Variants in HDC observed in about 807,000 individuals in gnomAD.
HDC encodes the protein histidine decarboxylase.
HDC carries 27 observed loss-of-function variants against 64.4 expected under a neutral mutation model. That is an observed-to-expected ratio of 0.42 (90% CI 0.31 to 0.58). The LOEUF (loss-of-function observed/expected upper bound fraction) is 0.58. Ranked by LOEUF, HDC falls within the 20% of genes least tolerant of loss-of-function variation. The pLI is 0.16. For synonymous variants in HDC, 305 were observed against 314.2 expected, an observed-to-expected ratio of 0.97 and a Z score of 0.31; for missense variants, 711 against 833.9, an observed-to-expected ratio of 0.85 and a Z score of 1.81.
At chr15:50,244,285 CTTTTT>C (rs554623599) in intron 10 of HDC, among the ~76,000 whole-genome samples, 37 of 105,182 alleles carry the variant, frequency 3.5e-4, no homozygotes, top group African/African-American at 1.3e-3. Flanking sequence ...AGCTGAACCT[CTTTTT>C]TTTTTTTTTT....
rs1202346678 is a variant in HDC, at chr15:50,248,804, G to A, written c.1042-461C>T. On this transcript the variant is annotated intron_variant, in intron 9 of 11. Transcript: ENST00000267845. This position sits in a 1 kb window ranked among gnomAD's most constrained non-coding sequence, Gnocchi z 4.3. The stretch of plus-strand genomic sequence containing the variant: ...CTAGAGCCCTGCAGACCTAGGTTTC[G>A]CCTCCAGCTGTGCCACTTACTAGCT... Among the ~76,000 whole-genome samples the A allele has an allele frequency of 6.6e-6, 1 of 152,112 alleles. No homozygotes were observed. Among genetic ancestry groups the A allele is most frequent in the East Asian group, 1.9e-4 (1 of 5,204 alleles).
chr15:50,257,443 C>T lies in HDC; in HGVS notation c.423G>A (p.Gln141=), dbSNP rs2045646680. The change falls in exon 4 of 12, where the codon CAG becomes CAA. Residue 141 remains glutamine, a synonymous_variant. Coordinates refer to ENST00000267845, the MANE Select transcript of HDC (RefSeq NM_002112.4). The part of the protein sequence containing the change: ...EHFLHHHPSS[Q]GGGVLQSTVS... ...GAGGTACCTGCAGGACGCCTCCGCC[C>T]TGGCTGCTGGGGTGGTGGTGCAAGA... 1.2e-6 allele frequency: 2 copies of T among 1,614,130 alleles called. No homozygotes were observed.
rs1350902290 is a variant in HDC at position 50,254,192 on chromosome 15, G to A, written c.658C>T (p.Arg220Ter). 16 of 1,613,996 alleles carry A rather than the reference G, an allele frequency of 9.9e-6. No individual in the cohort carries two copies. Among genetic ancestry groups the A allele is most frequent in the Admixed American group, 5.0e-5 (3 of 59,992 alleles). ...FLPVDDNFSL[R>*]GEALQKAIEE... ...ATGGCCTTCTGAAGAGCTTCCCCTCGGAGTGAGAAGTTGTCATCCACAGGC... is the reference window on the plus strand; with the variant it reads ...ATGGCCTTCTGAAGAGCTTCCCCTCAGAGTGAGAAGTTGTCATCCACAGGC... The change falls in exon 6 of 12, where the codon CGA (arginine) becomes TGA (stop). Residue 220 changes from arginine (R) to a stop codon, truncating the protein, a stop_gained. Coordinates refer to ENST00000267845, the MANE Select transcript of HDC (RefSeq NM_002112.4). LOFTEE classifies it high-confidence loss of function.
In HDC at chr15:50,241,988, A is replaced by G; in HGVS notation, c.*272T>C. 1.8e-6 allele frequency: 1 copy of G among 554,248 alleles called. No individual in the cohort carries two copies. Among genetic ancestry groups the G allele is most frequent in the Non-Finnish European group, 3.2e-6 (1 of 310,410 alleles). The allele number at this position is 554,248 out of a possible 1,614,324, so 34.3% of individuals were successfully genotyped here. A position where few individuals can be genotyped will look rare whatever the true frequency, so the allele number is the denominator to read the frequency against. ...AGCATAATTTATTTCTGTGTTATATATCATGTCACAAGCTGAACCACAGAA... is the reference window on the plus strand; with the variant it reads ...AGCATAATTTATTTCTGTGTTATATGTCATGTCACAAGCTGAACCACAGAA... On this transcript the variant is annotated 3_prime_UTR_variant, in exon 12 of 12. Coordinates refer to ENST00000267845, the MANE Select transcript of HDC (RefSeq NM_002112.4).
In HDC at chr15:50,252,554, G is replaced by T. The variant is rs746370826; in HGVS notation, c.951-34C>A. 3.1e-6 allele frequency: 5 copies of T among 1,613,972 alleles called. No individual in the cohort carries two copies. In the East Asian group the frequency reaches 1.1e-4, roughly 36 times the overall value. On this transcript the variant is annotated intron_variant, in intron 8 of 11. Transcript: ENST00000267845. ...TTCCAAATGGGCATTAGTGGCTGAG[G>T]TCTCTCCAGAGGAGGCAAGGCGTTC... is the stretch of plus-strand genomic sequence containing the variant.
rs535558991 is a variant in HDC at position 50,242,594 on chromosome 15, C to T, written c.1655G>A (p.Cys552Tyr). ...LETLLDPVDDCFSEEAPDATK... is the reference protein window; with the variant it reads ...LETLLDPVDDYFSEEAPDATK... ...GGCATCTGGGGCCTCTTCTGAAAAG[C>T]AGTCATCAACTGGGTCCAGCAGGGT... Residue 552 changes from cysteine (C) to tyrosine (Y), a missense_variant, in exon 12 of 12, where the codon TGC (cysteine) becomes TAC (tyrosine). Coordinates refer to ENST00000267845, the MANE Select transcript of HDC (RefSeq NM_002112.4). The T allele has an allele frequency of 6.2e-7, 1 of 1,614,182 alleles. No homozygotes were observed. The highest frequency in any genetic ancestry group is 1.1e-5 in the South Asian group (1 of 91,080).
chr15:50,244,385 C>G (rs542432798), intron 10 of HDC, among the ~76,000 whole-genome samples: 29 of 149,804 alleles, frequency 1.9e-4, no homozygotes, highest in African/African-American at 4.7e-4. Context: ...TCACTGCAGC[C>G]TTGAACTCCT....
rs2045661389 is a variant in HDC, at chr15:50,258,485, G to A, written c.237C>T (p.Ala79=). The A allele has an allele frequency of 6.2e-7, 1 of 1,613,580 alleles. No individual in the cohort carries two copies. The highest frequency in any genetic ancestry group is 8.5e-7 in the Non-Finnish European group (1 of 1,179,570). The change falls in exon 3 of 12, where the codon GCC becomes GCT. Residue 79 remains alanine, a synonymous_variant. Transcript: ENST00000267845. ...GCCAAGAGGTGAGGGCTGGGTAGTA[G>A]GCGTGCATATGGGGGCTCTGCCAAT... ...VVHWQSPHMH[A]YYPALTSWPS...
In HDC at chr15:50,242,169, T is replaced by G; in HGVS notation, c.*91A>C. The G allele has an allele frequency of 1.9e-6, 2 of 1,079,378 alleles. No homozygotes were observed. The highest frequency in any genetic ancestry group is 1.4e-6 in the Non-Finnish European group (1 of 700,854). 66.9% of individuals were successfully genotyped at this position (1,079,378 alleles called of 1,614,324 possible). A position where few individuals can be genotyped will look rare whatever the true frequency, so the allele number is the denominator to read the frequency against. On this transcript the variant is annotated 3_prime_UTR_variant, in exon 12 of 12. Coordinates refer to ENST00000267845, the MANE Select transcript of HDC (RefSeq NM_002112.4). Reference sequence around the variant, plus strand: ...GAACTCGCCCCAAGAAAAATGCATGTACACATAAGCACACAAAGTTGGCAT... The same window carrying G: ...GAACTCGCCCCAAGAAAAATGCATGGACACATAAGCACACAAAGTTGGCAT...
rs984895398 is a variant in HDC at position 50,242,120 on chromosome 15, C to G, written c.*140G>C. On this transcript the variant is annotated 3_prime_UTR_variant, in exon 12 of 12. Transcript: ENST00000267845. ...GTATCCTATTGTGGGTCATGAACCC[C>G]TATGAGAATTTGATTAAAATTATGA... 6.4e-6 allele frequency: 5 copies of G among 778,536 alleles called. No individual in the cohort carries two copies. In the African/African-American group the frequency reaches 8.6e-5, roughly 13 times the overall value. 48.2% of individuals were successfully genotyped at this position (778,536 alleles called of 1,614,324 possible). A position where few individuals can be genotyped will look rare whatever the true frequency, so the allele number is the denominator to read the frequency against.
rs1345012427 is a variant in HDC at position 50,252,486 on chromosome 15, T to G, written c.985A>C (p.Ser329Arg). The stretch of plus-strand genomic sequence containing the variant: ...TGCCTGAGGTAGATGGGATTCACAC[T>G]GAAGGTCTGCTGCAGCTTGTACTTG... Reference protein sequence around the residue: ...KDKYKLQQTFSVNPIYLRHAN... With the variant: ...KDKYKLQQTFRVNPIYLRHAN... Residue 329 changes from serine to arginine, a missense_variant, in exon 9 of 12, where the codon AGT becomes CGT. Ser to Arg is a moderately radical substitution (Grantham distance 110). Around this residue, in one of 3 missense-constraint regions of HDC, gnomAD observed 483 missense variants for 540.9 expected, o/e 0.89. Coordinates refer to ENST00000267845, the MANE Select transcript of HDC (RefSeq NM_002112.4). 3 of 1,614,080 alleles carry G rather than the reference T, an allele frequency of 1.9e-6. No homozygotes were observed. In the Admixed American group the frequency reaches 5.0e-5, roughly 27 times the overall value.
chr15:50,255,991 C>T (rs2045624639), intron 4 of HDC, among the ~76,000 whole-genome samples: 2 of 152,154 alleles, frequency 1.3e-5, no homozygotes, highest in South Asian at 4.2e-4. Flanking sequence ...GCTGACGATA[C>T]AGGAGAAAGC....
intron 6 of HDC, 159 bp from the exon 7 acceptor site, chr15:50,253,825 T>G (rs1432424038): frequency 1.4e-6 from 1 of 710,722 alleles, no homozygotes; most frequent in African/African-American, 1.8e-5. Flanking sequence ...AGAAACACAT[T>G]TTATATAACA....
chr15:50,257,344 G>A lies in HDC; in HGVS notation c.441+81C>T, dbSNP rs564718436. The A allele has an allele frequency of 4.9e-5, 77 of 1,567,516 alleles. No individual in the cohort carries two copies. The African/African-American group carries it at 7.2e-4, about 15-fold the overall frequency. On this transcript the variant is annotated intron_variant, in intron 4 of 11. Coordinates refer to ENST00000267845, the MANE Select transcript of HDC (RefSeq NM_002112.4). ...ATGTGGGGGAAACTCCATGGAGAAC[G>A]GGAGAATTGCCAGGTTAGGGTTTGG...
At position 50,263,220 on chromosome 15, in the gene HDC, G is replaced by A. The variant is rs2045726714; in HGVS notation, c.204+15C>T. The stretch of plus-strand genomic sequence containing the variant: ...CCTGAAATCCAGAACTGCCCTTGTG[G>A]TCACTGTGTCTCACCCCAGGCATGA... On this transcript the variant is annotated intron_variant, in intron 2 of 11. Coordinates refer to ENST00000267845, the MANE Select transcript of HDC (RefSeq NM_002112.4). 2.5e-6 allele frequency: 4 copies of A among 1,613,720 alleles called. No individual in the cohort carries two copies. The highest frequency in any genetic ancestry group is 3.4e-6 in the Non-Finnish European group (4 of 1,179,726).
Position 50,252,436 on chromosome 15 carries a change from G to C in HDC, c.1035C>G (p.Asp345Glu), listed in dbSNP as rs1199509130. Residue 345 changes from aspartate to glutamate, a missense_variant, in exon 9 of 12, where the codon GAC (aspartate) becomes GAG (glutamate). By Grantham distance (45) the Asp-to-Glu change is conservative. Coordinates refer to ENST00000267845, the MANE Select transcript of HDC (RefSeq NM_002112.4). The part of the protein sequence containing the change: ...LRHANSGVAT[D>E]FMHWQIPLSR... ...CCCGTCCCTGGCCACTCACCATGAA[G>C]TCGGTGGCCACGCCTGAGTTGGCAT... The C allele has an allele frequency of 1.2e-6, 2 of 1,614,074 alleles. No homozygotes were observed. Among genetic ancestry groups the C allele is most frequent in the Admixed American group, 3.3e-5 (2 of 60,028 alleles).
intron 9 of HDC, 65 bp downstream of exon 9, chr15:50,252,365 G>T (rs1051690346): frequency 1.5e-6 from 2 of 1,295,254 alleles, no homozygotes; most frequent in African/African-American, 2.9e-5. Flanking sequence ...ATTTTGGGGG[G>T]TCAGACGCCT....
intron 4 of HDC, among the ~76,000 whole-genome samples, chr15:50,255,599 C>A: frequency 6.6e-6 from 1 of 152,068 alleles, no homozygotes; most frequent in Non-Finnish European, 1.5e-5. Context: ...AGTTTGAGAC[C>A]AGCCTGGACA....
At chr15:50,261,991 G>A (rs994379685) in intron 2 of HDC, among the ~76,000 whole-genome samples, 4 of 152,114 alleles carry the variant, frequency 2.6e-5, no homozygotes, top group South Asian at 2.1e-4. Flanking sequence ...TTACAGGTGT[G>A]AGCCCCCGCG....
Sources: gnomAD v4.1 joint callset for allele counts (sites outside exome capture counted in the v4.1 genomes callset) on GRCh38, gnomAD v4.1.1 for gene constraint, gnomAD v4.1.1 regional missense constraint, Gnocchi (gnomAD v3.1) non-coding constraint, MANE v1.5 for transcripts, NCBI Gene and HGNC (gene_info 2026-07-23, HGNC 2026-07-21) for gene names.